Variants in SUMF1 observed in about 807,000 individuals in gnomAD.
The protein encoded by SUMF1 is formylglycine-generating enzyme.
A neutral mutation model predicts 47.6 loss-of-function variants in SUMF1; 48 were observed. The ratio of observed to expected loss-of-function variants is 1.01; its 90% CI spans 0.80 to 1.28. The LOEUF (loss-of-function observed/expected upper bound fraction) is 1.28. Ranked by LOEUF, SUMF1 falls within the 50% of genes most tolerant of loss-of-function variation. The probability of loss-of-function intolerance (pLI) is 0.00; values close to 1 mark genes in which losing one functional copy is unlikely to be tolerated. For missense variants in SUMF1, 571 were observed against 485.4 expected (o/e 1.18, Z -1.66); for synonymous variants, 230 against 192.1 (o/e 1.20, Z -1.63).
rs530062438 is a variant in SUMF1, at chr3:4,288,896, CA to C, written c.1014+87433del. 2.6e-4 allele frequency among the ~76,000 whole-genome samples: 39 copies of C among 152,272 alleles called. 1 individual carries two copies. The highest frequency in any genetic ancestry group is 9.1e-4 in the African/African-American group (38 of 41,560). Reference sequence around the variant, plus strand: ...AAAGGAAGATGGTTTCGGAACTTCACAACGTTCTCTTAAACTTCCTTATTAT... The same window carrying C: ...AAAGGAAGATGGTTTCGGAACTTCACACGTTCTCTTAAACTTCCTTATTAT... On this transcript the variant is annotated intron_variant and NMD_transcript_variant, in intron 8 of 12. Coordinates refer to the SUMF1 transcript ENST00000448413.
chr3:4,291,824 G>A (rs987875747), intron 8 of SUMF1, among the ~76,000 whole-genome samples: 53 of 152,200 alleles, frequency 3.5e-4, no homozygotes, highest in African/African-American at 1.2e-3. Context: ...ATAATCTCTC[G>A]CTGCTTCTCT....
At chr3:4,087,813 T>C (rs1692702719) in intron 8 of SUMF1, among the ~76,000 whole-genome samples, 1 of 152,148 alleles carries the variant, frequency 6.6e-6, no homozygotes, top group African/African-American at 2.4e-5. Context: ...ATTTAGTGAA[T>C]GAAATGTAAT....
intron 7 of SUMF1, among the ~76,000 whole-genome samples, chr3:4,394,267 T>G (rs374703706): frequency 1.3e-4 from 20 of 152,146 alleles, no homozygotes; most frequent in African/African-American, 4.8e-4. Context: ...TTTCCTGGAC[T>G]CAAGCAATCC....
At chr3:4,313,859 G>T in intron 8 of SUMF1, 2 of 1,557,210 alleles carry the variant, frequency 1.3e-6, no homozygotes, top group South Asian at 1.2e-5. Flanking sequence ...TTTAACTCAG[G>T]AATGTGGCAG....
intron 8 of SUMF1, among the ~76,000 whole-genome samples, chr3:4,201,899 G>A (rs956823812): frequency 2.0e-5 from 3 of 151,782 alleles, no homozygotes; most frequent in African/African-American, 7.3e-5. Context: ...ATACCTGTTT[G>A]CCATTTGAGC....
chr3:4,364,753 T>C (rs1369010206), intron 8 of SUMF1, among the ~76,000 whole-genome samples: 1 of 151,758 alleles, frequency 6.6e-6, no homozygotes, highest in Non-Finnish European at 1.5e-5. Flanking sequence ...TAGTTATTTC[T>C]TGCCTTCTGC....
intron 3 of SUMF1, among the ~76,000 whole-genome samples, chr3:4,424,476 GACA>G (rs1344288333): frequency 1.3e-5 from 2 of 152,268 alleles, no homozygotes; most frequent in East Asian, 3.9e-4. Flanking sequence ...AGGACACCAC[GACA>G]ACACTATCCT....
chr3:4,259,433 A>G (rs1194810009), intron 8 of SUMF1, among the ~76,000 whole-genome samples: 2 of 152,236 alleles, frequency 1.3e-5, no homozygotes, highest in African/African-American at 4.8e-5. Flanking sequence ...ATATAAGATC[A>G]TATGATCATT....
At chr3:4,271,633 C>T (rs779454064) in intron 8 of SUMF1, among the ~76,000 whole-genome samples, 1 of 152,120 alleles carries the variant, frequency 6.6e-6, no homozygotes, top group Non-Finnish European at 1.5e-5. Context: ...TCCCAAGTAG[C>T]TGGGACTCCA....
chr3:4,384,482 C>A (rs998451989), intron 7 of SUMF1, among the ~76,000 whole-genome samples: 2 of 152,188 alleles, frequency 1.3e-5, no homozygotes, highest in African/African-American at 4.8e-5. Flanking sequence ...CCTTCCCAAC[C>A]CCAACCCCTT....
intron 8 of SUMF1, among the ~76,000 whole-genome samples, chr3:4,287,568 C>T (rs1697658097): frequency 6.6e-6 from 1 of 152,098 alleles, no homozygotes; most frequent in Non-Finnish European, 1.5e-5. Flanking sequence ...ACAGCAATTA[C>T]CAAAAACACA....
intron 8 of SUMF1, among the ~76,000 whole-genome samples, chr3:4,126,681 G>A (rs1429271227): frequency 6.6e-6 from 1 of 152,102 alleles, no homozygotes; most frequent in African/African-American, 2.4e-5. Flanking sequence ...GGCAGTGGAA[G>A]GGGTGTCAGA....
chr3:4,312,625 C>A (rs1008959228), intron 8 of SUMF1, among the ~76,000 whole-genome samples: 1 of 151,166 alleles, frequency 6.6e-6, no homozygotes, highest in East Asian at 1.9e-4. Context: ...GCAGGAGAAT[C>A]GCTTGAGCCC....
intron 8 of SUMF1, among the ~76,000 whole-genome samples, chr3:4,070,939 G>A (rs774117068): frequency 6.6e-6 from 1 of 152,040 alleles, no homozygotes; most frequent in Non-Finnish European, 1.5e-5. Context: ...CCTCCTTTCA[G>A]TACTTTCTTA....
rs1229970399 is a variant in SUMF1, at chr3:4,467,248, T to A, written c.-3A>T. ...AGCCCTAGTGCGGGCGCAGCCATGT[T>A]GTCCCGCGGGCCATGTGACCCGGTT... On this transcript the variant is annotated 5_prime_UTR_variant, in exon 1 of 9. Coordinates refer to ENST00000272902, the MANE Select transcript of SUMF1 (RefSeq NM_182760.4). The A allele has an allele frequency of 6.2e-7, 1 of 1,607,252 alleles. No individual in the cohort carries two copies. The highest frequency in any genetic ancestry group is 1.3e-5 in the African/African-American group (1 of 74,912).
At chr3:4,041,950 G>A (rs185474495) in intron 9 of SUMF1, among the ~76,000 whole-genome samples, 2 of 152,150 alleles carry the variant, frequency 1.3e-5, no homozygotes, top group Admixed American at 1.3e-4. Flanking sequence ...CTCCTCATCT[G>A]GAACTTTTAT....
At chr3:4,304,755 A>T (rs915694780) in intron 8 of SUMF1, among the ~76,000 whole-genome samples, 2 of 152,344 alleles carry the variant, frequency 1.3e-5, no homozygotes, top group South Asian at 2.1e-4. Context: ...ATGTCAAGGA[A>T]AAGAATCAAA....
intron 8 of SUMF1, among the ~76,000 whole-genome samples, chr3:4,092,975 A>G (rs1456622077): frequency 1.3e-5 from 2 of 152,106 alleles, no homozygotes; most frequent in Non-Finnish European, 2.9e-5. Context: ...TATTCCATGA[A>G]TGTGCCAATG....
intron 8 of SUMF1, among the ~76,000 whole-genome samples, chr3:4,081,808 T>G (rs1227172252): frequency 1.3e-5 from 2 of 152,182 alleles, no homozygotes; most frequent in African/African-American, 4.8e-5. Context: ...AAAAGTATTT[T>G]GTAGATGTGT....
Sources: allele counts gnomAD v4.1 joint callset (sites outside exome capture counted in the v4.1 genomes callset), GRCh38; gene constraint gnomAD v4.1.1; transcripts MANE v1.5; gene names NCBI Gene and HGNC (gene_info 2026-07-23, HGNC 2026-07-21).